The following PCDHA11 variants were observed in gnomAD, a reference collection of about 807,000 sequenced individuals.
PCDHA11 encodes protocadherin alpha-11.
In PCDHA11, 61 loss-of-function variants were observed where a neutral mutation model predicts 70.3. The ratio of observed to expected loss-of-function variants is 0.87; its 90% CI spans 0.71 to 1.07. The LOEUF (loss-of-function observed/expected upper bound fraction) is 1.07, where lower values mean the gene tolerates loss of function less well. Ranked by LOEUF, PCDHA11 falls within the 50% of genes least tolerant of loss-of-function variation. The pLI is 0.00. For synonymous variants in PCDHA11, 633 were observed against 555.1 expected (o/e 1.14, Z -1.97); for missense variants, 1,324 against 1,237.5 (o/e 1.07, Z -1.05).
chr5:140,969,019 G>C lies in PCDHA11; in HGVS notation c.2392-9930G>C. 3.1e-6 allele frequency: 5 copies of C among 1,614,164 alleles called. No homozygotes were observed. The South Asian group carries it at 5.5e-5, about 18-fold the overall frequency. ...GAGGCTTCTGTGGAGTAAGGGAAAG[G>C]TCCCCTGCAGAACTGTACAAACAAG... On this transcript the variant is annotated intron_variant, in intron 1 of 3. Transcript: ENST00000398640.
intron 1 of PCDHA11, among the ~76,000 whole-genome samples, chr5:140,942,287 G>A (rs1468201947): frequency 1.3e-5 from 2 of 152,102 alleles, no homozygotes; most frequent in African/African-American, 4.8e-5. Context: ...GCTCATGCCT[G>A]TAATCCTAGC....
At chr5:141,001,975 G>T (rs900969211) in intron 3 of PCDHA11, among the ~76,000 whole-genome samples, 2 of 152,302 alleles carry the variant, frequency 1.3e-5, no homozygotes, top group Non-Finnish European at 2.9e-5. Flanking sequence ...GTCTCTGCGC[G>T]GAAAGCCTGG....
At chr5:140,941,019 C>T (rs569905763) in intron 1 of PCDHA11, among the ~76,000 whole-genome samples, 4 of 152,142 alleles carry the variant, frequency 2.6e-5, no homozygotes, top group East Asian at 1.9e-4. Context: ...TCCTATTTTC[C>T]TTCTGGCCTT....
chr5:140,992,841 A>G (rs1351149915), intron 3 of PCDHA11, among the ~76,000 whole-genome samples: 2 of 152,188 alleles, frequency 1.3e-5, no homozygotes, highest in African/African-American at 2.4e-5. Flanking sequence ...AACATTTTGT[A>G]TAACAACCAG....
Position 141,009,697 on chromosome 5 carries a change from C to T in PCDHA11, c.2610C>T (p.Tyr870=), listed in dbSNP as rs1554262284. ...ACAGCAACAGCTGGACCTTTAAATA[C>T]GGACCAGGCAACCCCAAACAATCCG... ...GVNSNSWTFK[Y]GPGNPKQSGP... The change falls in exon 4 of 4, where the codon TAC becomes TAT. Residue 870 remains tyrosine (Y), a synonymous_variant. Coordinates refer to ENST00000398640, the MANE Select transcript of PCDHA11 (RefSeq NM_018902.5). 1.1e-5 allele frequency: 17 copies of T among 1,613,952 alleles called. No individual in the cohort carries two copies. The highest frequency in any genetic ancestry group is 1.1e-5 in the South Asian group (1 of 91,066).
intron 1 of PCDHA11, among the ~76,000 whole-genome samples, chr5:140,945,017 T>C (rs1563211481): frequency 6.6e-6 from 1 of 152,172 alleles, no homozygotes; most frequent in Non-Finnish European, 1.5e-5. Context: ...AATTATTTTT[T>C]ACTCAGACAT....
At chr5:140,985,851 TG>T (rs1269261138) in intron 3 of PCDHA11, among the ~76,000 whole-genome samples, 1 of 149,322 alleles carries the variant, frequency 6.7e-6, no homozygotes, top group Non-Finnish European at 1.5e-5. Flanking sequence ...GCCACTCTCC[TG>T]CCTCAGCCTC....
chr5:141,000,894 ATAGACGCT>A (rs1348330251), intron 3 of PCDHA11, among the ~76,000 whole-genome samples: 1 of 152,128 alleles, frequency 6.6e-6, no homozygotes, highest in African/African-American at 2.4e-5. Context: ...GGCAACAGAT[ATAGACGCT>A]GTCTCTAAAA....
chr5:140,921,824 A>G (rs1554200461), intron 1 of PCDHA11, among the ~76,000 whole-genome samples: 1 of 152,172 alleles, frequency 6.6e-6, no homozygotes. Flanking sequence ...GTGAATATCT[A>G]TACACATATA....
At chr5:140,996,933 T>G (rs2097753695) in intron 3 of PCDHA11, among the ~76,000 whole-genome samples, 1 of 152,186 alleles carries the variant, frequency 6.6e-6, no homozygotes, top group African/African-American at 2.4e-5. Flanking sequence ...ATATAGCATT[T>G]TTGCATAGAA....
chr5:140,927,015 G>A, intron 1 of PCDHA11: 1 of 1,612,466 alleles, frequency 6.2e-7, no homozygotes. Context: ...ATCTCTCCGC[G>A]GACTTGAGGC....
chr5:140,926,325 T>C (rs1441503834), intron 1 of PCDHA11: 1 of 151,866 alleles, frequency 6.6e-6, no homozygotes, highest in African/African-American at 2.4e-5. Flanking sequence ...TGCGCCGGGG[T>C]CAGAGCGCCG....
chr5:140,967,737 A>G, intron 1 of PCDHA11: 1 of 1,614,170 alleles, frequency 6.2e-7, no homozygotes, highest in Non-Finnish European at 8.5e-7. Flanking sequence ...GGGGGGCTGG[A>G]TTATGAGGAA....
At position 140,870,719 on chromosome 5, in the gene PCDHA11, C is replaced by A. The variant is rs782257127; in HGVS notation, c.1616C>A (p.Ala539Glu). The change falls in exon 1 of 4, where the codon GCG becomes GAG. Residue 539 changes from alanine to glutamate, a missense_variant. Ala to Glu is a moderately radical substitution (Grantham distance 107, BLOSUM62 -1). Coordinates refer to ENST00000398640, the MANE Select transcript of PCDHA11 (RefSeq NM_018902.5). ...CAGTTCCAGGTGAGCGCGCGCGATG[C>A]GGGCGTGCCGCCTCTGAGCAGCAAC... ...LLQFQVSARD[A>E]GVPPLSSNVT... is the part of the protein sequence containing the mutation. The A allele has an allele frequency of 1.9e-6, 3 of 1,613,084 alleles. No individual in the cohort carries two copies. Among genetic ancestry groups the A allele is most frequent in the Admixed American group, 3.3e-5 (2 of 60,026 alleles).
At chr5:140,979,215 G>A (rs1463069868) in intron 2 of PCDHA11, among the ~76,000 whole-genome samples, 5 of 152,178 alleles carry the variant, frequency 3.3e-5, no homozygotes, top group African/African-American at 4.8e-5. Context: ...TGGCATATAA[G>A]AGTCCTCTGT....
rs782537122 is a variant in PCDHA11 at position 140,875,892 on chromosome 5, A to G, written c.2391+4398A>G. On this transcript the variant is annotated intron_variant, in intron 1 of 3. Coordinates refer to ENST00000398640, the MANE Select transcript of PCDHA11 (RefSeq NM_018902.5). ...TGTTCAGAGAAAGGGAACAAAAGGTACCTGTTTCTGAATCTGCGCCTCTGG... is the reference window on the plus strand; with the variant it reads ...TGTTCAGAGAAAGGGAACAAAAGGTGCCTGTTTCTGAATCTGCGCCTCTGG... 9 of 1,614,044 alleles carry G rather than the reference A, an allele frequency of 5.6e-6. No homozygotes were observed. The African/African-American group carries it at 1.2e-4, about 22-fold the overall frequency.
intron 1 of PCDHA11, among the ~76,000 whole-genome samples, chr5:140,964,891 G>A (rs76642459): frequency 0.016 from 2,494 of 152,302 alleles, 68 homozygotes; most frequent in African/African-American, 0.056. Context: ...AGTGATAGGA[G>A]GCTGGGCGCT....
intron 1 of PCDHA11, among the ~76,000 whole-genome samples, chr5:140,933,231 A>G (rs1488760874): frequency 4.6e-5 from 7 of 152,008 alleles, no homozygotes; most frequent in Non-Finnish European, 1.0e-4. Context: ...GCATTTATGA[A>G]AAAGAAAGGA....
chr5:140,954,016 A>G (rs246027), intron 1 of PCDHA11, among the ~76,000 whole-genome samples: 85,628 of 151,968 alleles, frequency 0.56, 24,747 homozygotes, highest in African/African-American at 0.69. Context: ...GCTCCCACAC[A>G]TAGTGGGACG....
Sources: gnomAD v4.1 joint callset for allele counts (sites outside exome capture counted in the v4.1 genomes callset) on GRCh38, gnomAD v4.1.1 for gene constraint, MANE v1.5 for transcripts, NCBI Gene and HGNC (gene_info 2026-07-23, HGNC 2026-07-21) for gene names.